PAPPA2: variants seen among roughly 807,000 people sequenced by gnomAD.
PAPPA2 encodes the protein pappalysin 2.
In PAPPA2, 86 loss-of-function variants were observed where a neutral mutation model predicts 176.4. That is an observed-to-expected ratio of 0.49 (90% CI 0.41 to 0.58). The LOEUF is 0.58. PAPPA2 is among the 20% of genes least tolerant of loss of function. The pLI is 0.00. For missense variants in PAPPA2, 2,073 were observed against 2,256.9 expected, an observed-to-expected ratio of 0.92 and a Z score of 1.65; for synonymous variants, 809 against 852.2, an observed-to-expected ratio of 0.95 and a Z score of 0.88.
rs541361277 is a variant in PAPPA2 at position 176,803,719 on chromosome 1, T to C, written c.5202+3587T>C. Among the ~76,000 whole-genome samples, 3 of 152,342 alleles carry C rather than the reference T, an allele frequency of 2.0e-5. No individual in the cohort carries two copies. In the South Asian group the frequency reaches 6.2e-4, roughly 32 times the overall value. ...CAATTTCCTTCATTCTCTCTATTGC[T>C]AATACAGGGTTCTTTCTATTGTGTC... On this transcript the variant is annotated intron_variant, in intron 21 of 22. Coordinates refer to ENST00000367662, the MANE Select transcript of PAPPA2 (RefSeq NM_020318.3).
chr1:176,745,252 G>A (rs1662855032), intron 14 of PAPPA2, among the ~76,000 whole-genome samples: 1 of 152,180 alleles, frequency 6.6e-6, no homozygotes, highest in African/African-American at 2.4e-5. Flanking sequence ...GCTGTTTCTG[G>A]TGTAATTTCT....
At position 176,464,936 on chromosome 1, in the gene PAPPA2, T is replaced by A. The variant is rs573002936; in HGVS notation, c.-917+1518T>A. Among the ~76,000 whole-genome samples, 29 of 152,338 alleles carry A rather than the reference T, an allele frequency of 1.9e-4. 1 individual carries two copies. The highest frequency in any genetic ancestry group is 6.2e-4 in the South Asian group (3 of 4,832). On this transcript the variant is annotated intron_variant, in intron 1 of 22. Transcript: ENST00000367662. ...TAGGTGGCTGGATAGTGGTTATTGC[T>A]GGATAGGTGTTTTCACTTTGAATTA...
intron 3 of PAPPA2, among the ~76,000 whole-genome samples, chr1:176,614,496 A>G (rs1481689925): frequency 6.6e-6 from 1 of 152,130 alleles, no homozygotes; most frequent in Non-Finnish European, 1.5e-5. Flanking sequence ...TTTCTTTCTT[A>G]ATTTCCTCCC....
chr1:176,715,150 C>G (rs543319619), intron 12 of PAPPA2, among the ~76,000 whole-genome samples: 1 of 152,240 alleles, frequency 6.6e-6, no homozygotes, highest in African/African-American at 2.4e-5. Context: ...CTATCTTTAC[C>G]TCCAGTGCAC....
At chr1:176,623,763 CTTTCTTT>C (rs1558479731) in intron 3 of PAPPA2, among the ~76,000 whole-genome samples, 14 of 94,204 alleles carry the variant, frequency 1.5e-4, no homozygotes, top group African/African-American at 3.8e-4. Context: ...TCCTTCCTTT[CTTTCTTT>C]CTTTCTTTCT....
At chr1:176,763,584 G>A (rs781259708) in intron 14 of PAPPA2, among the ~76,000 whole-genome samples, 40 of 152,184 alleles carry the variant, frequency 2.6e-4, no homozygotes, top group African/African-American at 1.2e-4. Context: ...CAAGTCATGC[G>A]TTGAATATAA....
intron 3 of PAPPA2, among the ~76,000 whole-genome samples, chr1:176,639,646 G>GT (rs1326927870): frequency 2.0e-5 from 3 of 151,480 alleles, no homozygotes; most frequent in African/African-American, 7.3e-5. Context: ...ATGTTTTATT[G>GT]TTTTTTAAAT....
intron 14 of PAPPA2, among the ~76,000 whole-genome samples, chr1:176,745,291 C>G (rs1393364565): frequency 6.6e-6 from 1 of 152,166 alleles, no homozygotes; most frequent in Non-Finnish European, 1.5e-5. Context: ...CATGCTTGGC[C>G]AGTGGTGTGC....
At chr1:176,626,889 CTTTTTTTTTT>C in intron 3 of PAPPA2, among the ~76,000 whole-genome samples, 1 of 127,760 alleles carries the variant, frequency 7.8e-6, no homozygotes, top group South Asian at 2.6e-4. Context: ...CCTGTTTTTC[CTTTTTTTTTT>C]TTTTTTTTTG....
chr1:176,665,011 G>T (rs12120484), intron 3 of PAPPA2, among the ~76,000 whole-genome samples: 9,944 of 152,154 alleles, frequency 0.065, 357 homozygotes, highest in South Asian at 0.14. Context: ...CAAGGAATGA[G>T]GGAGGAATTC....
rs1386721221 is a variant in PAPPA2, at chr1:176,842,475, C to T, written c.*21C>T. ...AGTAACTGTGGGAACAAGCCCCTCC[C>T]TCCACTGCCTCAGAGGCAGTAAGAA... On this transcript the variant is annotated 3_prime_UTR_variant, in exon 23 of 23. Transcript: ENST00000367662. 6.2e-7 allele frequency: 1 copy of T among 1,603,794 alleles called. No individual in the cohort carries two copies. Among genetic ancestry groups the T allele is most frequent in the East Asian group, 2.2e-5 (1 of 44,784 alleles).
chr1:176,692,491 A>T (rs1660164305), intron 6 of PAPPA2, among the ~76,000 whole-genome samples, 173 bp downstream of exon 6: 1 of 152,198 alleles, frequency 6.6e-6, no homozygotes, highest in South Asian at 2.1e-4. Flanking sequence ...AGCAGAACTC[A>T]TGGGCTCTCT....
Position 176,829,373 on chromosome 1 carries a change from C to G in PAPPA2, c.5203-10800C>G, listed in dbSNP as rs77255028. 5.8e-3 allele frequency among the ~76,000 whole-genome samples: 890 copies of G among 152,306 alleles called. 21 individuals carry two copies. In the East Asian group the frequency reaches 0.082, roughly 14 times the overall value. On this transcript the variant is annotated intron_variant, in intron 21 of 22. Coordinates refer to ENST00000367662, the MANE Select transcript of PAPPA2 (RefSeq NM_020318.3). ...CAAGGCATACGGTCGTTTCCTCCCACAGTCTGCATTCCCAGTCACCTTCCA... is the reference window on the plus strand; with the variant it reads ...CAAGGCATACGGTCGTTTCCTCCCAGAGTCTGCATTCCCAGTCACCTTCCA...
At chr1:176,840,142 A>G (rs748300529) in intron 21 of PAPPA2, 31 bp from the exon 22 acceptor site, 40 of 1,521,800 alleles carry the variant, frequency 2.6e-5, no homozygotes, top group Non-Finnish European at 3.5e-5. Flanking sequence ...ATAAGGCTAT[A>G]CTGAGATGTT....
intron 3 of PAPPA2, chr1:176,616,709 A>T: frequency 6.9e-7 from 1 of 1,454,898 alleles, no homozygotes; most frequent in South Asian, 1.1e-5. Context: ...TTAAGGTCAC[A>T]TTGGTTGGAT....
At chr1:176,571,705 A>G (rs2102614464) in intron 2 of PAPPA2, among the ~76,000 whole-genome samples, 1 of 152,310 alleles carries the variant, frequency 6.6e-6, no homozygotes, top group South Asian at 2.1e-4. Context: ...CTTAGCATGA[A>G]ATTATTTGTA....
chr1:176,820,556 C>T (rs1215654651), intron 21 of PAPPA2, among the ~76,000 whole-genome samples: 1 of 152,142 alleles, frequency 6.6e-6, no homozygotes, highest in Non-Finnish European at 1.5e-5. Context: ...CACTGGGGAT[C>T]CTCATCGAGA....
intron 21 of PAPPA2, among the ~76,000 whole-genome samples, chr1:176,829,441 T>C (rs1473923199): frequency 6.6e-6 from 1 of 152,190 alleles, no homozygotes; most frequent in Non-Finnish European, 1.5e-5. Flanking sequence ...CTGCCTGGCA[T>C]GTGCCTGCAT....
intron 1 of PAPPA2, among the ~76,000 whole-genome samples, chr1:176,522,314 A>T (rs1649258043): frequency 6.6e-6 from 1 of 152,224 alleles, no homozygotes; most frequent in African/African-American, 2.4e-5. Context: ...TTTGGTTGCC[A>T]TGCTGGGGGA....
Sources: gnomAD v4.1 joint callset for allele counts (sites outside exome capture counted in the v4.1 genomes callset) on GRCh38, gnomAD v4.1.1 for gene constraint, MANE v1.5 for transcripts, NCBI Gene and HGNC (gene_info 2026-07-23, HGNC 2026-07-21) for gene names.